CRACD: variants seen among roughly 807,000 people sequenced by gnomAD.
CRACD encodes capping protein inhibiting regulator of actin dynamics.
Under a neutral mutation model 106.8 loss-of-function variants are expected in CRACD, and 56 were observed. The observed-to-expected ratio is 0.52, with a 90% CI of 0.42 to 0.66. The LOEUF (loss-of-function observed/expected upper bound fraction) is 0.66. Ranked by LOEUF, CRACD falls within the 30% of genes least tolerant of loss-of-function variation. The pLI, the probability that CRACD is intolerant of heterozygous loss-of-function variation, is 0.00. For missense variants in CRACD, 1,730 were observed against 1,623.2 expected (o/e 1.07, Z -1.13); for synonymous variants, 754 against 670.8 (o/e 1.12, Z -1.92).
chr4:56,144,749 G>A (rs537986978), intron 1 of CRACD, among the ~76,000 whole-genome samples: 128 of 151,368 alleles, frequency 8.5e-4, no homozygotes, highest in Middle Eastern at 3.4e-3. Flanking sequence ...TCCGCCTTCC[G>A]GGTTCAGGTG....
At chr4:56,117,066 G>T (rs555202975) in intron 1 of CRACD, among the ~76,000 whole-genome samples, 2 of 148,360 alleles carry the variant, frequency 1.3e-5, no homozygotes, top group Non-Finnish European at 3.0e-5. Flanking sequence ...TGTCACCCAG[G>T]CTGGAGTGCA....
intron 5 of CRACD, 62 bp from the exon 6 acceptor site, chr4:56,310,604 T>C: frequency 8.4e-7 from 1 of 1,191,454 alleles, no homozygotes; most frequent in Non-Finnish European, 1.3e-6. Flanking sequence ...AGACAGTGTC[T>C]GGTTATTTGC....
intron 2 of CRACD, among the ~76,000 whole-genome samples, chr4:56,195,803 TC>T (rs1286420408): frequency 6.6e-6 from 1 of 152,214 alleles, no homozygotes; most frequent in African/African-American, 2.4e-5. Flanking sequence ...ATCAACCTGT[TC>T]TCTTATCCTA....
chr4:56,059,079 C>G (rs1396432830), intron 1 of CRACD, among the ~76,000 whole-genome samples: 1 of 152,002 alleles, frequency 6.6e-6, no homozygotes, highest in Admixed American at 6.6e-5. Context: ...AGCAAGACAG[C>G]AATCTCTGAA....
chr4:56,302,833 T>A (rs1744447768), intron 4 of CRACD, among the ~76,000 whole-genome samples: 1 of 152,206 alleles, frequency 6.6e-6, no homozygotes, highest in Admixed American at 6.5e-5. Context: ...ATTGTAGGAA[T>A]AAGCCTTATA....
intron 2 of CRACD, among the ~76,000 whole-genome samples, chr4:56,247,861 A>AG (rs1229316891): frequency 3.3e-4 from 50 of 151,370 alleles, no homozygotes; most frequent in African/African-American, 9.7e-4. Flanking sequence ...AAAAAAAAAA[A>AG]AGAGAGAGAG....
chr4:56,064,400 A>T (rs1732389387), intron 1 of CRACD, among the ~76,000 whole-genome samples: 1 of 152,076 alleles, frequency 6.6e-6, no homozygotes, highest in South Asian at 2.1e-4. Context: ...ACACAAACTT[A>T]GCTGTTCTAG....
intron 3 of CRACD, among the ~76,000 whole-genome samples, chr4:56,294,141 C>A (rs1743853656): frequency 6.6e-6 from 1 of 151,460 alleles, no homozygotes; most frequent in South Asian, 2.1e-4. Flanking sequence ...CAGGAGGATC[C>A]CCTGAATCCA....
chr4:56,248,593 A>G lies in CRACD; in HGVS notation c.-188-23728A>G, dbSNP rs1740844954. Among the ~76,000 whole-genome samples, 3 of 149,598 alleles carry G rather than the reference A, an allele frequency of 2.0e-5. No homozygotes were observed. In the South Asian group the frequency reaches 6.4e-4, roughly 32 times the overall value. On this transcript the variant is annotated intron_variant, in intron 2 of 10. Coordinates refer to ENST00000682029, the MANE Select transcript of CRACD (RefSeq NM_001393381.1). ...ACCTATGTGTTTTTTTTTTAATTAT[A>G]CTTTAAGTTTTAGGGTACATGTGCA...
intron 2 of CRACD, among the ~76,000 whole-genome samples, chr4:56,211,576 C>A (rs920981426): frequency 8.5e-5 from 13 of 152,194 alleles, no homozygotes; most frequent in Admixed American, 2.6e-4. Context: ...TTTTATTGAG[C>A]AAGGAAACAG....
chr4:56,079,406 C>T (rs759619075), intron 1 of CRACD, among the ~76,000 whole-genome samples: 41 of 151,972 alleles, frequency 2.7e-4, no homozygotes, highest in Admixed American at 1.0e-3. Flanking sequence ...AGAGTCAAAA[C>T]CAAACTTATT....
At chr4:56,057,800 T>A (rs1372708820) in intron 1 of CRACD, among the ~76,000 whole-genome samples, 5 of 96,058 alleles carry the variant, frequency 5.2e-5, no homozygotes, top group African/African-American at 2.4e-4. Flanking sequence ...ATTTTTTGTA[T>A]TTTTTTTTTT....
At chr4:56,146,529 A>G (rs944566800) in intron 1 of CRACD, among the ~76,000 whole-genome samples, 7 of 149,752 alleles carry the variant, frequency 4.7e-5, no homozygotes, top group African/African-American at 1.7e-4. Context: ...TTAACTCGTC[A>G]TTTAGCATTA....
chr4:56,188,711 C>CACACAGAGAGAGAGAG (rs1446016845), intron 2 of CRACD, among the ~76,000 whole-genome samples: 43 of 113,152 alleles, frequency 3.8e-4, no homozygotes, highest in African/African-American at 1.7e-3. Flanking sequence ...CACACACACA[C>CACACAGAGAGAGAGAG]AGAGAGAGAG....
intron 6 of CRACD, 54 bp downstream of exon 6, chr4:56,310,788 T>A: frequency 9.9e-7 from 1 of 1,014,604 alleles, no homozygotes; most frequent in South Asian, 1.4e-5. Flanking sequence ...AACTTTCATC[T>A]TCCCCCCCCC....
intron 2 of CRACD, among the ~76,000 whole-genome samples, chr4:56,197,818 T>C (rs1001625803): frequency 6.6e-5 from 10 of 151,988 alleles, no homozygotes; most frequent in South Asian, 2.1e-4. Flanking sequence ...GCTGGGACTA[T>C]AGGCACCCGC....
At chr4:56,267,790 G>A (rs765215083) in intron 2 of CRACD, among the ~76,000 whole-genome samples, 2 of 152,190 alleles carry the variant, frequency 1.3e-5, no homozygotes, top group Non-Finnish European at 2.9e-5. Context: ...TGATGCGTGT[G>A]TACTTGTGTC....
At chr4:56,149,126 T>G (rs1735498584) in intron 1 of CRACD, among the ~76,000 whole-genome samples, 1 of 152,172 alleles carries the variant, frequency 6.6e-6, no homozygotes, top group African/African-American at 2.4e-5. Flanking sequence ...TATCCTTGGA[T>G]TTTAATAAAT....
At chr4:56,271,351 A>G (rs1397940862) in intron 2 of CRACD, among the ~76,000 whole-genome samples, 1 of 152,178 alleles carries the variant, frequency 6.6e-6, no homozygotes, top group East Asian at 1.9e-4. Flanking sequence ...TTCCTGACTA[A>G]TGAAGTAATA....
Sources: allele counts gnomAD v4.1 joint callset (sites outside exome capture counted in the v4.1 genomes callset), GRCh38; gene constraint gnomAD v4.1.1; transcripts MANE v1.5; gene names NCBI Gene and HGNC (gene_info 2026-07-23, HGNC 2026-07-21).